PPP1R12B: variants seen among roughly 807,000 people sequenced by gnomAD.
PPP1R12B encodes the protein protein phosphatase 1 regulatory subunit 12B.
PPP1R12B carries 76 observed loss-of-function variants against 126.1 expected under a neutral mutation model. That is an observed-to-expected ratio of 0.60 (90% CI 0.50 to 0.73). The LOEUF is 0.73. PPP1R12B is among the 30% of genes least tolerant of loss of function. PPP1R12B has a pLI of 0.00. For synonymous variants in PPP1R12B, 356 were observed against 434.7 expected, an observed-to-expected ratio of 0.82 and a Z score of 2.25; for missense variants, 1,052 against 1,205.1, an observed-to-expected ratio of 0.87 and a Z score of 1.88.
At chr1:202,429,317 A>G (rs1669924398) in intron 6 of PPP1R12B, among the ~76,000 whole-genome samples, 1 of 152,210 alleles carries the variant, frequency 6.6e-6, no homozygotes, top group Non-Finnish European at 1.5e-5. Context: ...GACTATCTTT[A>G]TTTAAGCACA....
intron 13 of PPP1R12B, among the ~76,000 whole-genome samples, chr1:202,484,645 C>A (rs1677833610): frequency 6.6e-6 from 1 of 152,130 alleles, no homozygotes; most frequent in African/African-American, 2.4e-5. Flanking sequence ...ATACCATTCT[C>A]TTAAGTATTT....
chr1:202,518,717 T>C (rs751352189), intron 18 of PPP1R12B, among the ~76,000 whole-genome samples: 4 of 152,222 alleles, frequency 2.6e-5, no homozygotes, highest in Non-Finnish European at 5.9e-5. Flanking sequence ...TTTTCTTTAA[T>C]GAGGCCTTGT....
intron 10 of PPP1R12B, chr1:202,439,139 T>C (rs1264206991): frequency 3.8e-6 from 6 of 1,580,306 alleles, no homozygotes; most frequent in Non-Finnish European, 5.2e-6. Flanking sequence ...GCTCCTGTAG[T>C]TGAAGGTGAA....
At chr1:202,487,603 C>CT (rs35559949) in intron 13 of PPP1R12B, among the ~76,000 whole-genome samples, 30,182 of 146,988 alleles carry the variant, frequency 0.21, 3,101 homozygotes, top group Non-Finnish European at 0.22. Context: ...AGATACATTT[C>CT]TTTTTTTTTT....
At chr1:202,490,136 G>A (rs887273082) in intron 14 of PPP1R12B, among the ~76,000 whole-genome samples, 2 of 152,172 alleles carry the variant, frequency 1.3e-5, no homozygotes, top group African/African-American at 4.8e-5. Flanking sequence ...AAGAAGCAAA[G>A]AAAGATGAGC....
chr1:202,416,632 A>C (rs1178347056), intron 1 of PPP1R12B, among the ~76,000 whole-genome samples, 155 bp from the exon 2 acceptor site: 5 of 152,196 alleles, frequency 3.3e-5, no homozygotes, highest in African/African-American at 1.2e-4. Flanking sequence ...TAAGATCACA[A>C]AGCCTAGAAG....
intron 9 of PPP1R12B, 45 bp downstream of exon 9, chr1:202,434,813 G>T (rs1670595877): frequency 6.2e-7 from 1 of 1,602,092 alleles, no homozygotes; most frequent in South Asian, 1.1e-5. Flanking sequence ...TCACCCTACT[G>T]CAGTAGCACA....
chr1:202,495,738 T>C, intron 17 of PPP1R12B, 56 bp downstream of exon 17: 2 of 1,479,270 alleles, frequency 1.4e-6, no homozygotes, highest in Non-Finnish European at 1.9e-6. Flanking sequence ...CACCATTCTT[T>C]CAGTTGAGTT....
At chr1:202,572,354 G>C (rs1688683690) in intron 23 of PPP1R12B, among the ~76,000 whole-genome samples, 1 of 152,168 alleles carries the variant, frequency 6.6e-6, no homozygotes, top group Non-Finnish European at 1.5e-5. Flanking sequence ...GTTACTCAAG[G>C]AAAGAAAGTG....
In PPP1R12B at chr1:202,453,908, G is replaced by A. The variant is rs1284227800; in HGVS notation, c.1850+4737G>A. On this transcript the variant is annotated intron_variant, in intron 13 of 23. Transcript: ENST00000608999. ...CTTTTCAAAATTGGTCTCCAGCCAA[G>A]GAAATAGTAATAAATCAATGTTGAA... is the stretch of plus-strand genomic sequence containing the variant. Among the ~76,000 whole-genome samples the A allele has an allele frequency of 2.6e-5, 4 of 151,922 alleles. No individual in the cohort carries two copies. The East Asian group carries it at 7.7e-4, about 29-fold the overall frequency.
At chr1:202,443,759 A>G (rs938537786) in intron 12 of PPP1R12B, among the ~76,000 whole-genome samples, 2 of 152,254 alleles carry the variant, frequency 1.3e-5, no homozygotes, top group African/African-American at 2.4e-5. Context: ...AATGTTCTAG[A>G]TCAAGGGAAG....
intron 23 of PPP1R12B, chr1:202,575,011 C>A: frequency 6.2e-7 from 1 of 1,610,840 alleles, no homozygotes; most frequent in Non-Finnish European, 8.5e-7. Flanking sequence ...GAACCTCCAC[C>A]AGCTAAAACA....
chr1:202,456,277 AAAAG>A lies in PPP1R12B; in HGVS notation c.1850+7130_1850+7133del, dbSNP rs530699602. 1.4e-3 allele frequency among the ~76,000 whole-genome samples: 220 copies of A among 152,026 alleles called. 2 individuals carry two copies. The highest frequency in any genetic ancestry group is 2.8e-3 in the Admixed American group (43 of 15,262). On this transcript the variant is annotated intron_variant, in intron 13 of 23. Coordinates refer to ENST00000608999, the MANE Select transcript of PPP1R12B (RefSeq NM_002481.4). Reference sequence around the variant, plus strand: ...GAGCAAGAATCCGTCTCAAAAAAAAAAAAGAAAGAAAGAAAGAAAGAAAGAAATG... The same window carrying A: ...GAGCAAGAATCCGTCTCAAAAAAAAAAAAGAAAGAAAGAAAGAAAGAAATG...
At chr1:202,555,972 C>T (rs1466772727) in intron 18 of PPP1R12B, among the ~76,000 whole-genome samples, 1 of 151,528 alleles carries the variant, frequency 6.6e-6, no homozygotes, top group Non-Finnish European at 1.5e-5. Context: ...ACCTCCTGGG[C>T]TTAAGCAATT....
chr1:202,554,750 A>C (rs1686706725), intron 18 of PPP1R12B, among the ~76,000 whole-genome samples: 1 of 151,868 alleles, frequency 6.6e-6, no homozygotes, highest in South Asian at 2.1e-4. Flanking sequence ...ATTGTTAACA[A>C]GGAATGTTAA....
Position 202,353,629 on chromosome 1 carries a change from T to TGAGA in PPP1R12B, c.291+4489_291+4490insGAGA, listed in dbSNP as rs1553260733. ...GTGTGTGTGTGTGTGTGTGTGTGTG[T>TGAGA]GACAGGGTCTTGCCCTGTTACCCAG... On this transcript the variant is annotated intron_variant, in intron 1 of 23. Transcript: ENST00000608999. 4.6e-4 allele frequency among the ~76,000 whole-genome samples: 63 copies of TGAGA among 138,260 alleles called. No homozygotes were observed. In the East Asian group the frequency reaches 7.3e-3, roughly 16 times the overall value. 90.7% of individuals were successfully genotyped at this position (138,260 alleles called of 152,430 possible). A position where few individuals can be genotyped will look rare whatever the true frequency, so the allele number is the denominator to read the frequency against.
chr1:202,469,593 CTT>C (rs918023097), intron 13 of PPP1R12B, among the ~76,000 whole-genome samples: 6 of 152,002 alleles, frequency 3.9e-5, no homozygotes, highest in African/African-American at 1.5e-4. Flanking sequence ...GGTTATGAGA[CTT>C]TATGCATTTG....
chr1:202,373,230 C>G (rs1407609296), intron 1 of PPP1R12B, among the ~76,000 whole-genome samples: 1 of 152,168 alleles, frequency 6.6e-6, no homozygotes, highest in Non-Finnish European at 1.5e-5. Context: ...GCCACCGCAC[C>G]TGGCCACTGA....
At position 202,546,581 on chromosome 1, in the gene PPP1R12B, G is replaced by A. The variant is rs538530110; in HGVS notation, c.2491-12296G>A. 5.3e-5 allele frequency among the ~76,000 whole-genome samples: 8 copies of A among 152,126 alleles called. No individual in the cohort carries two copies. In the South Asian group the frequency reaches 1.7e-3, roughly 32 times the overall value. On this transcript the variant is annotated intron_variant, in intron 18 of 23. Coordinates refer to ENST00000608999, the MANE Select transcript of PPP1R12B (RefSeq NM_002481.4). ...ATTGCACCACTGCACTCCAGCCTGG[G>A]CAACAGAATGAGACTCTGTCTCAAA...
Sources: gnomAD v4.1 joint callset for allele counts (sites outside exome capture counted in the v4.1 genomes callset) on GRCh38, gnomAD v4.1.1 for gene constraint, MANE v1.5 for transcripts, NCBI Gene and HGNC (gene_info 2026-07-23, HGNC 2026-07-21) for gene names.